The following UGT2B4 variants were observed in gnomAD, a reference collection of about 807,000 sequenced individuals.
The protein encoded by UGT2B4 is UDP glucuronosyltransferase family 2 member B4.
UGT2B4 carries 49 observed loss-of-function variants against 49.8 expected under a neutral mutation model. That is an observed-to-expected ratio of 0.98 (90% CI 0.78 to 1.25). The LOEUF (loss-of-function observed/expected upper bound fraction) is 1.25. Ranked by LOEUF, UGT2B4 falls within the 50% of genes most tolerant of loss-of-function variation. The probability of loss-of-function intolerance (pLI) is 0.00; values close to 1 mark genes in which losing one functional copy is unlikely to be tolerated. For synonymous variants in UGT2B4, 246 were observed against 217.7 expected (o/e 1.13, Z -1.14); for missense variants, 729 against 627.7 (o/e 1.16, Z -1.73).
chr4:69,511,593 A>C (rs900207496), intron 1 of UGT2B4, among the ~76,000 whole-genome samples: 1 of 152,128 alleles, frequency 6.6e-6, no homozygotes, highest in African/African-American at 2.4e-5. Flanking sequence ...TTTATTAACA[A>C]TATTGGACTG....
At chr4:69,522,640 G>T (rs905718877) in intron 1 of UGT2B4, among the ~76,000 whole-genome samples, 1 of 152,082 alleles carries the variant, frequency 6.6e-6, no homozygotes, top group South Asian at 2.1e-4. Context: ...TTTTGCCTCC[G>T]TATTAATGGC....
Position 69,495,556 on chromosome 4 carries a change from T to C in UGT2B4, c.306A>G (p.Lys102=), listed in dbSNP as rs1728132352. 4 of 1,613,752 alleles carry C rather than the reference T, an allele frequency of 2.5e-6. No individual in the cohort carries two copies. Among genetic ancestry groups the C allele is most frequent in the Non-Finnish European group, 3.4e-6 (4 of 1,179,836 alleles). The change falls in exon 1 of 6, where the codon AAA becomes AAG. Residue 102 remains lysine (K), a synonymous_variant. Transcript: ENST00000305107. ...GTGAAAAATATGACCAAAATGTGTC[T>C]TTTGGAAGTTCTGCCCATCTCTTAA... The part of the protein sequence containing the change: ...QLVKRWAELP[K]DTFWSYFSQV...
intron 1 of UGT2B4, among the ~76,000 whole-genome samples, chr4:69,512,400 G>A (rs907783676): frequency 6.6e-6 from 1 of 151,638 alleles, no homozygotes; most frequent in African/African-American, 2.4e-5. Flanking sequence ...GCTCTTTTAT[G>A]TATTGCTTAT....
intron 1 of UGT2B4, among the ~76,000 whole-genome samples, chr4:69,503,061 C>A (rs1389546163): frequency 6.6e-6 from 1 of 152,144 alleles, no homozygotes; most frequent in African/African-American, 2.4e-5. Flanking sequence ...GGTGTGGGAG[C>A]ATCTGTAGCA....
intron 1 of UGT2B4, among the ~76,000 whole-genome samples, chr4:69,524,084 T>A (rs954453228): frequency 9.2e-5 from 14 of 151,640 alleles, no homozygotes; most frequent in African/African-American, 1.5e-4. Context: ...CTTTGATCTA[T>A]CTAGATTAAA....
At chr4:69,519,227 G>A (rs1454720676) in intron 1 of UGT2B4, among the ~76,000 whole-genome samples, 12 of 152,128 alleles carry the variant, frequency 7.9e-5, no homozygotes, top group African/African-American at 1.9e-4. Context: ...CTTTTCGCAA[G>A]TAATTCTAAC....
intron 2 of UGT2B4, among the ~76,000 whole-genome samples, chr4:69,492,998 G>A (rs186038218): frequency 1.3e-5 from 2 of 152,040 alleles, no homozygotes; most frequent in African/African-American, 2.4e-5. Flanking sequence ...GTCCCTAAAT[G>A]TGCTTAATAA....
intron 1 of UGT2B4, among the ~76,000 whole-genome samples, chr4:69,517,059 C>T (rs1337011853): frequency 1.3e-5 from 2 of 151,822 alleles, no homozygotes; most frequent in Non-Finnish European, 2.9e-5. Flanking sequence ...AATTTTCTTC[C>T]ATTCTGTATG....
chr4:69,509,170 A>ATTTT (rs3075675), intron 1 of UGT2B4, among the ~76,000 whole-genome samples: 9,279 of 119,664 alleles, frequency 0.078, 816 homozygotes, highest in East Asian at 0.2. Context: ...TGGAATTTCT[A>ATTTT]TTTTTTTTTT....
chr4:69,480,859 C>T lies in UGT2B4; in HGVS notation c.1362G>A (p.Val454=). The T allele has an allele frequency of 6.2e-7, 1 of 1,613,868 alleles. No homozygotes were observed. Among genetic ancestry groups the T allele is most frequent in the South Asian group, 1.1e-5 (1 of 91,072 alleles). ...KLSRIHHDQP[V]KPLDRAVFWI... is the part of the protein sequence containing the mutation. ...AGAAGACTGCTCGATCAAGGGGCTTCACTGGTTGATCATGATGAATTCTTG... is the reference window on the plus strand; with the variant it reads ...AGAAGACTGCTCGATCAAGGGGCTTTACTGGTTGATCATGATGAATTCTTG... Residue 454 remains valine (V), a synonymous_variant, in exon 6 of 6, where the codon GTG becomes GTA. Coordinates refer to ENST00000305107, the MANE Select transcript of UGT2B4 (RefSeq NM_021139.3).
At chr4:69,525,609 A>C in intron 1 of UGT2B4, 1 of 924,548 alleles carries the variant, frequency 1.1e-6, no homozygotes, top group Non-Finnish European at 1.4e-6. Flanking sequence ...GGGTTAGACA[A>C]TAGATTATCT....
intron 1 of UGT2B4, among the ~76,000 whole-genome samples, chr4:69,508,696 T>C (rs927591756): frequency 8.6e-5 from 13 of 151,702 alleles, no homozygotes; most frequent in African/African-American, 3.2e-4. Context: ...GACACTAGGG[T>C]CTATTTGAGG....
intron 1 of UGT2B4, among the ~76,000 whole-genome samples, chr4:69,519,235 A>C (rs1237377062): frequency 6.6e-6 from 1 of 152,234 alleles, no homozygotes; most frequent in East Asian, 1.9e-4. Flanking sequence ...AAGTAATTCT[A>C]ACAGACAGCC....
intron 1 of UGT2B4, among the ~76,000 whole-genome samples, chr4:69,511,227 T>A (rs1267939801): frequency 6.6e-6 from 1 of 152,116 alleles, no homozygotes. Flanking sequence ...TGAACTCAGG[T>A]GATCCACCCG....
intron 5 of UGT2B4, among the ~76,000 whole-genome samples, chr4:69,484,053 A>T (rs1423392902): frequency 2.6e-5 from 4 of 152,174 alleles, no homozygotes; most frequent in Non-Finnish European, 4.4e-5. Context: ...CATATAAAGA[A>T]CATCAACATC....
At chr4:69,490,151 T>C (rs1727937219) in intron 2 of UGT2B4, among the ~76,000 whole-genome samples, 1 of 152,118 alleles carries the variant, frequency 6.6e-6, no homozygotes, top group South Asian at 2.1e-4. Flanking sequence ...GAAAAAAAAG[T>C]AGCTGTAAAA....
At chr4:69,500,250 G>A (rs1728266199), upstream of UGT2B4, among the ~76,000 whole-genome samples, 1 of 152,080 alleles carries the variant, frequency 6.6e-6, no homozygotes, top group Non-Finnish European at 1.5e-5. Flanking sequence ...TGTTGGGATA[G>A]GGAAGGGAGG....
intron 5 of UGT2B4, among the ~76,000 whole-genome samples, chr4:69,481,513 A>C (rs1032059396): frequency 4.6e-5 from 7 of 151,916 alleles, no homozygotes; most frequent in Non-Finnish European, 1.0e-4. Context: ...GAGCAATTTT[A>C]TTTTCTTTTA....
intron 2 of UGT2B4, among the ~76,000 whole-genome samples, chr4:69,490,713 AT>A (rs41297379): frequency 1.3e-5 from 2 of 152,156 alleles, no homozygotes; most frequent in Admixed American, 1.3e-4. Context: ...TTTTTAAAAT[AT>A]GATTTTTAAT....
Sources: allele counts gnomAD v4.1 joint callset (sites outside exome capture counted in the v4.1 genomes callset), GRCh38; gene constraint gnomAD v4.1.1; transcripts MANE v1.5; gene names NCBI Gene and HGNC (gene_info 2026-07-23, HGNC 2026-07-21).